Variants in CSMD1 observed in about 807,000 individuals in gnomAD.
CSMD1 encodes CUB and Sushi multiple domains 1.
A neutral mutation model predicts 417.5 loss-of-function variants in CSMD1; 213 were observed. That is an observed-to-expected ratio of 0.51 (90% CI 0.46 to 0.57). The LOEUF (loss-of-function observed/expected upper bound fraction) is 0.57, where lower values mean the gene tolerates loss of function less well. Ranked by LOEUF, CSMD1 falls within the 20% of genes least tolerant of loss-of-function variation. The pLI is 0.00. For synonymous variants in CSMD1, 2,862 were observed against 1,736.8 expected, an observed-to-expected ratio of 1.65 and a Z score of -16.11; for missense variants, 6,923 against 4,529.7, an observed-to-expected ratio of 1.53 and a Z score of -15.17.
At chr8:4,333,296 G>A (rs537463396) in intron 3 of CSMD1, among the ~76,000 whole-genome samples, 7 of 152,214 alleles carry the variant, frequency 4.6e-5, no homozygotes, top group East Asian at 3.9e-4. Flanking sequence ...TGAAAGAAGC[G>A]TCTCAGATGC....
chr8:3,591,814 C>T (rs1177111999), intron 8 of CSMD1, among the ~76,000 whole-genome samples: 7 of 150,846 alleles, frequency 4.6e-5, no homozygotes, highest in Non-Finnish European at 1.0e-4. Context: ...GATGGATAGA[C>T]AGTGGATGGA....
intron 32 of CSMD1, 88 bp from the exon 33 acceptor site, chr8:3,199,897 T>G: frequency 1.4e-6 from 1 of 716,442 alleles, no homozygotes; most frequent in Non-Finnish European, 2.3e-6. Context: ...AAGTTGAAAT[T>G]TCACATTTAT....
At chr8:3,951,140 T>C (rs1432401941) in intron 5 of CSMD1, among the ~76,000 whole-genome samples, 4 of 152,196 alleles carry the variant, frequency 2.6e-5, no homozygotes, top group Admixed American at 2.0e-4. Flanking sequence ...GTCTCAAAGT[T>C]GTTTGTTTTA....
chr8:4,471,936 T>C (rs561393642), intron 2 of CSMD1, among the ~76,000 whole-genome samples: 16 of 152,244 alleles, frequency 1.1e-4, no homozygotes, highest in Non-Finnish European at 2.1e-4. Flanking sequence ...AGGGACTTTA[T>C]AGAGGGTGCA....
At chr8:3,042,807 T>G (rs1447341657) in intron 50 of CSMD1, among the ~76,000 whole-genome samples, 1 of 152,142 alleles carries the variant, frequency 6.6e-6, no homozygotes, top group Non-Finnish European at 1.5e-5. Flanking sequence ...TTATTTATAT[T>G]TATAGGTCGT....
chr8:2,949,659 A>T (rs1221391363), intron 67 of CSMD1, among the ~76,000 whole-genome samples: 1 of 128,860 alleles, frequency 7.8e-6, no homozygotes, highest in Non-Finnish European at 1.8e-5. Flanking sequence ...TCCATATGTT[A>T]ACTGCACTTT....
At chr8:4,023,678 C>A (rs1006739956) in intron 4 of CSMD1, among the ~76,000 whole-genome samples, 2 of 150,908 alleles carry the variant, frequency 1.3e-5, no homozygotes, top group East Asian at 1.9e-4. Flanking sequence ...GCTCCGCCTC[C>A]AGGGTTCACG....
chr8:3,977,894 G>C (rs1304994078), intron 5 of CSMD1, among the ~76,000 whole-genome samples: 1 of 152,160 alleles, frequency 6.6e-6, no homozygotes, highest in Non-Finnish European at 1.5e-5. Flanking sequence ...CTCAAGAATG[G>C]TAACTGACCT....
intron 3 of CSMD1, among the ~76,000 whole-genome samples, chr8:4,129,098 CA>C (rs1210783443): frequency 1.1e-4 from 15 of 139,744 alleles, no homozygotes; most frequent in African/African-American, 2.8e-4. Context: ...AAAAACAAAA[CA>C]AAAAAAACAG....
At chr8:4,336,744 G>C (rs975320421) in intron 3 of CSMD1, among the ~76,000 whole-genome samples, 2 of 152,082 alleles carry the variant, frequency 1.3e-5, no homozygotes, top group African/African-American at 2.4e-5. Flanking sequence ...TGAGTTACTT[G>C]GTGACTGGAT....
chr8:4,112,091 A>C (rs1396214543), intron 3 of CSMD1, among the ~76,000 whole-genome samples: 3 of 152,150 alleles, frequency 2.0e-5, no homozygotes, highest in Admixed American at 1.3e-4. Context: ...ATAAAAGGAA[A>C]CTGAAGGAAC....
intron 3 of CSMD1, among the ~76,000 whole-genome samples, chr8:4,236,718 T>G (rs1377356775): frequency 6.6e-6 from 1 of 152,200 alleles, no homozygotes; most frequent in African/African-American, 2.4e-5. Flanking sequence ...ATGGCAATAA[T>G]CACTGTGCCT....
chr8:4,295,456 CAT>C (rs562783432), intron 3 of CSMD1, among the ~76,000 whole-genome samples: 1 of 142,930 alleles, frequency 7.0e-6, no homozygotes, highest in Non-Finnish European at 1.5e-5. Flanking sequence ...TTATTATACA[CAT>C]ATAATCTTAT....
intron 7 of CSMD1, among the ~76,000 whole-genome samples, chr8:3,631,573 C>G (rs1337160602): frequency 6.6e-6 from 1 of 152,182 alleles, no homozygotes; most frequent in Admixed American, 6.5e-5. Context: ...TGAAATGACG[C>G]TAAGAAGCCA....
intron 1 of CSMD1, among the ~76,000 whole-genome samples, chr8:4,768,362 C>G (rs745499000): frequency 5.3e-5 from 8 of 152,136 alleles, no homozygotes; most frequent in African/African-American, 1.4e-4. Flanking sequence ...ACAAGTCCAT[C>G]AAAGCTTCCT....
chr8:2,940,911 T>C (rs1801827253), intron 69 of CSMD1, among the ~76,000 whole-genome samples: 1 of 152,186 alleles, frequency 6.6e-6, no homozygotes, highest in Non-Finnish European at 1.5e-5. Flanking sequence ...TATAAGGATA[T>C]TATATGACCC....
intron 3 of CSMD1, among the ~76,000 whole-genome samples, chr8:4,348,126 A>G (rs746704906): frequency 6.6e-6 from 1 of 152,204 alleles, no homozygotes; most frequent in Admixed American, 6.5e-5. Flanking sequence ...AGTTAGAAGT[A>G]TTAAAGAGAG....
chr8:4,030,198 C>A (rs1797269242), intron 4 of CSMD1, among the ~76,000 whole-genome samples: 1 of 50 alleles, frequency 0.02, no homozygotes, highest in Admixed American at 0.12. Context: ...TCTCACAGCT[C>A]AACTAGGGCG....
chr8:3,301,371 A>T lies in CSMD1; in HGVS notation c.3950+6324T>A, dbSNP rs74795032. 1.7e-3 allele frequency among the ~76,000 whole-genome samples: 255 copies of T among 152,256 alleles called. 1 individual carries two copies. Among genetic ancestry groups the T allele is most frequent in the African/African-American group, 5.6e-3 (232 of 41,556 alleles). On this transcript the variant is annotated intron_variant, in intron 25 of 69. Transcript: ENST00000635120. Reference sequence around the variant, plus strand: ...GGTCTAAATGAGAAATGAAGCTCACAGAAGTGTGGGAGCTAGTGAAACTTG... The same window carrying T: ...GGTCTAAATGAGAAATGAAGCTCACTGAAGTGTGGGAGCTAGTGAAACTTG...
Sources: allele counts gnomAD v4.1 joint callset (sites outside exome capture counted in the v4.1 genomes callset), GRCh38; gene constraint gnomAD v4.1.1; transcripts MANE v1.5; gene names NCBI Gene and HGNC (gene_info 2026-07-23, HGNC 2026-07-21).